Variants in ITGBL1 observed in about 807,000 individuals in gnomAD.
ITGBL1 encodes integrin subunit beta like 1, also known as integrin beta-like protein 1.
A neutral mutation model predicts 68.5 loss-of-function variants in ITGBL1; 51 were observed. That is an observed-to-expected ratio of 0.74 (90% CI 0.59 to 0.94). The LOEUF is 0.94. Among genes scored for constraint, ITGBL1 ranks in the 40% least tolerant of loss-of-function variants. The probability of loss-of-function intolerance (pLI) is 0.00; values close to 1 mark genes in which losing one functional copy is unlikely to be tolerated. For synonymous variants in ITGBL1, 209 were observed against 227.3 expected (o/e 0.92, Z 0.72); for missense variants, 649 against 647.4 (o/e 1.00, Z -0.03).
chr13:101,581,640 G>A (rs2050459595), intron 5 of ITGBL1, among the ~76,000 whole-genome samples: 1 of 152,082 alleles, frequency 6.6e-6, no homozygotes, highest in Non-Finnish European at 1.5e-5. Context: ...TGATTGCTAG[G>A]TAGTCCATAT....
At chr13:101,558,885 G>A (rs2050054930) in intron 2 of ITGBL1, among the ~76,000 whole-genome samples, 1 of 145,350 alleles carries the variant, frequency 6.9e-6, no homozygotes, top group African/African-American at 2.6e-5. Context: ...CCAAACTAGT[G>A]CTTGTGTATT....
chr13:101,553,229 A>G (rs998584483), intron 2 of ITGBL1, among the ~76,000 whole-genome samples: 1 of 152,320 alleles, frequency 6.6e-6, no homozygotes, highest in African/African-American at 2.4e-5. Flanking sequence ...ACATGTTAGC[A>G]AGGAGAAATA....
intron 7 of ITGBL1, among the ~76,000 whole-genome samples, chr13:101,621,244 A>T (rs910361125): frequency 2.0e-5 from 3 of 151,810 alleles, no homozygotes; most frequent in African/African-American, 7.3e-5. Context: ...GCATCCTTCC[A>T]CTCCCTGGGT....
intron 2 of ITGBL1, among the ~76,000 whole-genome samples, chr13:101,487,887 T>C (rs1480763919): frequency 6.6e-6 from 1 of 152,214 alleles, no homozygotes; most frequent in Non-Finnish European, 1.5e-5. Flanking sequence ...ACTCAAATGA[T>C]GCTCCGAAGA....
intron 2 of ITGBL1, among the ~76,000 whole-genome samples, chr13:101,536,481 T>C (rs2049578938): frequency 2.0e-5 from 3 of 152,012 alleles, no homozygotes; most frequent in Non-Finnish European, 2.9e-5. Flanking sequence ...TTGAGAGCAA[T>C]TGTTGAAGCT....
chr13:101,618,051 A>G (rs1218045828), intron 7 of ITGBL1, among the ~76,000 whole-genome samples: 4 of 152,174 alleles, frequency 2.6e-5, no homozygotes, highest in Admixed American at 6.6e-5. Context: ...CCTAGTATTC[A>G]CTTTAGTGAA....
In ITGBL1 at chr13:101,462,215, C is replaced by A. The variant is rs1347730200; in HGVS notation, c.316+8115C>A. ...TCCATCATCACATCCCTTCTTACCACCGTCGGAAAACATACTCCACTTTTA... is the reference window on the plus strand; with the variant it reads ...TCCATCATCACATCCCTTCTTACCAACGTCGGAAAACATACTCCACTTTTA... On this transcript the variant is annotated intron_variant, in intron 2 of 10. Transcript: ENST00000376180. 4.6e-5 allele frequency among the ~76,000 whole-genome samples: 7 copies of A among 152,330 alleles called. No homozygotes were observed. The East Asian group carries it at 1.2e-3, about 25-fold the overall frequency.
At chr13:101,720,776 A>AAATC (rs1436199247), downstream of ITGBL1, 1 of 152,168 alleles carries the variant, frequency 6.6e-6, no homozygotes, top group African/African-American at 2.4e-5. Context: ...ACATAACACC[A>AAATC]AATCAAAAAT....
chr13:101,539,650 TAGTTTAC>T (rs2049652296), intron 2 of ITGBL1, among the ~76,000 whole-genome samples: 1 of 151,514 alleles, frequency 6.6e-6, no homozygotes, highest in Non-Finnish European at 1.5e-5. Context: ...ATGGTTGAAT[TAGTTTAC>T]AGTCCCACCA....
chr13:101,546,621 G>A (rs1402610275), intron 2 of ITGBL1, among the ~76,000 whole-genome samples: 2 of 151,860 alleles, frequency 1.3e-5, no homozygotes, highest in Non-Finnish European at 2.9e-5. Context: ...AAAAGCAACA[G>A]ACAAACCTAA....
chr13:101,540,622 T>C (rs561892202), intron 2 of ITGBL1, among the ~76,000 whole-genome samples: 2 of 152,308 alleles, frequency 1.3e-5, no homozygotes, highest in African/African-American at 4.8e-5. Context: ...GGATGGCAAT[T>C]GAACCTATAA....
At chr13:101,646,309 T>G (rs1403389610) in intron 7 of ITGBL1, among the ~76,000 whole-genome samples, 1 of 147,708 alleles carries the variant, frequency 6.8e-6, no homozygotes, top group Non-Finnish European at 1.5e-5. Context: ...CCTTGTTGTA[T>G]TTCAGTTAAA....
intron 2 of ITGBL1, among the ~76,000 whole-genome samples, chr13:101,565,231 C>T (rs190627768): frequency 1.3e-5 from 2 of 152,128 alleles, no homozygotes; most frequent in Non-Finnish European, 2.9e-5. Flanking sequence ...ATGGAGATTA[C>T]CTTGCCACAA....
At chr13:101,607,497 A>G (rs2030925859) in intron 7 of ITGBL1, among the ~76,000 whole-genome samples, 1 of 151,994 alleles carries the variant, frequency 6.6e-6, no homozygotes, top group African/African-American at 2.4e-5. Context: ...TCTTTTTATT[A>G]GATATCTATA....
intron 2 of ITGBL1, among the ~76,000 whole-genome samples, chr13:101,529,139 C>T (rs544883648): frequency 1.3e-5 from 2 of 149,984 alleles, no homozygotes; most frequent in Non-Finnish European, 3.0e-5. Flanking sequence ...TAAGAAAAAC[C>T]GAAGTTGAAA....
intron 2 of ITGBL1, among the ~76,000 whole-genome samples, chr13:101,523,775 T>G (rs2049325800): frequency 6.6e-6 from 1 of 152,226 alleles, no homozygotes. Context: ...CTTGTGCTCA[T>G]GTGTTGCTCC....
intron 7 of ITGBL1, among the ~76,000 whole-genome samples, chr13:101,657,062 C>G (rs565302855): frequency 6.6e-6 from 1 of 151,744 alleles, no homozygotes; most frequent in Non-Finnish European, 1.5e-5. Context: ...CCCACTAACT[C>G]GTCAGTATTG....
chr13:101,638,905 T>G (rs535138918), intron 7 of ITGBL1, among the ~76,000 whole-genome samples: 69 of 152,346 alleles, frequency 4.5e-4, no homozygotes, highest in Non-Finnish European at 7.2e-4. Context: ...TTTTGGCTTT[T>G]AATCGTGAAC....
intron 2 of ITGBL1, among the ~76,000 whole-genome samples, chr13:101,546,871 A>T (rs76492470): frequency 0.015 from 2,356 of 152,184 alleles, 69 homozygotes; most frequent in African/African-American, 0.053. Flanking sequence ...TTCATATCTT[A>T]CTGAAGATGC....
Sources: gnomAD v4.1 joint callset for allele counts (sites outside exome capture counted in the v4.1 genomes callset) on GRCh38, gnomAD v4.1.1 for gene constraint, MANE v1.5 for transcripts, NCBI Gene and HGNC (gene_info 2026-07-23, HGNC 2026-07-21) for gene names.